DCDC1: variants seen among roughly 807,000 people sequenced by gnomAD.
DCDC1 encodes doublecortin domain-containing protein 1.
Under a neutral mutation model 178.3 loss-of-function variants are expected in DCDC1, and 200 were observed. The ratio of observed to expected loss-of-function variants is 1.12; its 90% CI spans 1.00 to 1.26. DCDC1 has a LOEUF of 1.26. DCDC1 is among the 50% of genes most tolerant of loss of function. The pLI is 0.00. For missense variants in DCDC1, 1,983 were observed against 1,749.2 expected (o/e 1.13, Z -2.38); for synonymous variants, 690 against 604.8 (o/e 1.14, Z -2.07).
At chr11:31,216,542 C>T (rs192414580) in intron 9 of DCDC1, among the ~76,000 whole-genome samples, 180 of 152,238 alleles carry the variant, frequency 1.2e-3, no homozygotes, top group Non-Finnish European at 2.1e-3. Flanking sequence ...CCACTGCAGA[C>T]CTCAATTCTA....
intron 34 of DCDC1, among the ~76,000 whole-genome samples, chr11:30,898,901 T>C (rs1453138946): frequency 2.0e-5 from 3 of 152,152 alleles, no homozygotes; most frequent in African/African-American, 4.8e-5. Context: ...CCATAGTACA[T>C]TGTTTCTCCC....
At position 30,905,084 on chromosome 11, in the gene DCDC1, G is replaced by T; in HGVS notation, c.4185C>A (p.Cys1395Ter). Residue 1395 changes from cysteine (C) to a stop codon, truncating the protein, a stop_gained, in exon 31 of 39, where the codon TGC (cysteine) becomes TGA (stop). Transcript: ENST00000684477. LOFTEE classifies it high-confidence loss of function. ...ARLLSLRMKTCTQAASHSGMA... is the reference protein window; with the variant it reads ...ARLLSLRMKT ...TGCCACTGTGAGATGCAGCTTGCGTGCAGGTCTTCATCCGTAAAGACAATA... is the reference window on the plus strand; with the variant it reads ...TGCCACTGTGAGATGCAGCTTGCGTTCAGGTCTTCATCCGTAAAGACAATA... The T allele has an allele frequency of 6.2e-7, 1 of 1,613,762 alleles. No individual in the cohort carries two copies. The highest frequency in any genetic ancestry group is 8.5e-7 in the Non-Finnish European group (1 of 1,179,768).
chr11:31,033,256 A>G (rs117785778), intron 20 of DCDC1, among the ~76,000 whole-genome samples: 2 of 152,276 alleles, frequency 1.3e-5, no homozygotes, highest in Non-Finnish European at 2.9e-5. Context: ...TAAACAACTT[A>G]CCAGGGGAAA....
At chr11:31,115,981 T>TGGGGGGGGGGGGGG (rs548179744) in intron 11 of DCDC1, among the ~76,000 whole-genome samples, 1 of 38,092 alleles carries the variant, frequency 2.6e-5, no homozygotes, top group African/African-American at 6.5e-5. Context: ...GCTGTGGCAG[T>TGGGGGGGGGGGGGG]GGGGGGGGGG....
intron 20 of DCDC1, among the ~76,000 whole-genome samples, chr11:31,051,128 A>T (rs1269716586): frequency 6.6e-6 from 1 of 151,974 alleles, no homozygotes; most frequent in Admixed American, 6.6e-5. Flanking sequence ...TAGATAGCTT[A>T]AAAAAAATCA....
chr11:31,346,006 G>C (rs756812576), intron 1 of DCDC1, among the ~76,000 whole-genome samples: 6 of 152,000 alleles, frequency 3.9e-5, no homozygotes, highest in Non-Finnish European at 7.4e-5. Flanking sequence ...CACTAAAATA[G>C]GACAACTAGA....
intron 21 of DCDC1, among the ~76,000 whole-genome samples, chr11:30,943,008 A>G (rs1947761468): frequency 6.6e-6 from 1 of 152,202 alleles, no homozygotes; most frequent in African/African-American, 2.4e-5. Flanking sequence ...AACAAAAAGT[A>G]CAGATATGTA....
intron 11 of DCDC1, 49 bp from the exon 12 acceptor site, chr11:31,110,410 CA>C: frequency 1.5e-6 from 1 of 679,822 alleles, no homozygotes; most frequent in Non-Finnish European, 2.7e-6. Flanking sequence ...TGCACACATA[CA>C]TACATATATT....
intron 18 of DCDC1, among the ~76,000 whole-genome samples, chr11:31,068,682 AT>A (rs1956387666): frequency 6.6e-6 from 1 of 152,202 alleles, no homozygotes; most frequent in African/African-American, 2.4e-5. Context: ...ATTATTGAAA[AT>A]TTTTTTCAAA....
rs1945851010 is a variant in DCDC1 at position 30,916,608 on chromosome 11, A to ACAC, written c.3452+261_3452+262insGTG. The stretch of plus-strand genomic sequence containing the variant: ...GCTCTGTGCTAAGTTGTCAGGAGGC[A>ACAC]AAGGTGGATAAGCATACTGTTTAAT... On this transcript the variant is annotated intron_variant, in intron 26 of 38. Transcript: ENST00000684477. Among the ~76,000 whole-genome samples the ACAC allele has an allele frequency of 2.6e-5, 4 of 152,324 alleles. No individual in the cohort carries two copies. The South Asian group carries it at 8.3e-4, about 32-fold the overall frequency.
intron 6 of DCDC1, among the ~76,000 whole-genome samples, chr11:31,292,022 C>G (rs931864837): frequency 6.6e-6 from 1 of 151,930 alleles, no homozygotes; most frequent in African/African-American, 2.4e-5. Flanking sequence ...TATTCTTACC[C>G]CCCTTTCACT....
At chr11:30,895,970 T>G (rs956924983) in intron 34 of DCDC1, among the ~76,000 whole-genome samples, 2 of 152,216 alleles carry the variant, frequency 1.3e-5, no homozygotes, top group Admixed American at 6.5e-5. Flanking sequence ...TTATCATTTA[T>G]ACTGCTGAGA....
chr11:31,107,424 A>C (rs1958924388), intron 12 of DCDC1, among the ~76,000 whole-genome samples: 1 of 152,176 alleles, frequency 6.6e-6, no homozygotes, highest in South Asian at 2.1e-4. Flanking sequence ...CAAAATTAAA[A>C]TGACTTTTAG....
intron 3 of DCDC1, among the ~76,000 whole-genome samples, chr11:31,312,208 C>T (rs1565594980): frequency 6.6e-6 from 1 of 152,120 alleles, no homozygotes; most frequent in Non-Finnish European, 1.5e-5. Context: ...TCATGCCCTC[C>T]ATATTGACAA....
intron 7 of DCDC1, among the ~76,000 whole-genome samples, chr11:31,267,441 C>T (rs1945245958): frequency 6.6e-6 from 1 of 152,218 alleles, no homozygotes; most frequent in Middle Eastern, 3.2e-3. Flanking sequence ...ATCCACCTGC[C>T]TCAGCCTCCC....
chr11:31,024,556 C>T (rs1011944772), intron 20 of DCDC1, among the ~76,000 whole-genome samples: 2 of 151,828 alleles, frequency 1.3e-5, no homozygotes, highest in African/African-American at 2.4e-5. Flanking sequence ...CAAAACATTA[C>T]ATGCTCATTG....
At chr11:30,961,189 T>C (rs546148576) in intron 20 of DCDC1, among the ~76,000 whole-genome samples, 3 of 152,060 alleles carry the variant, frequency 2.0e-5, no homozygotes, top group Non-Finnish European at 4.4e-5. Context: ...ACTATGAAAA[T>C]TTGTGCAAGT....
chr11:31,168,919 A>G (rs1426300302), intron 9 of DCDC1, among the ~76,000 whole-genome samples: 2 of 152,134 alleles, frequency 1.3e-5, no homozygotes, highest in Non-Finnish European at 2.9e-5. Flanking sequence ...ATAAAATAAG[A>G]TTGAGTATTA....
At chr11:31,294,221 G>A (rs879811526) in intron 6 of DCDC1, among the ~76,000 whole-genome samples, 1 of 151,934 alleles carries the variant, frequency 6.6e-6, no homozygotes, top group African/African-American at 2.4e-5. Context: ...TGGGGGAAAG[G>A]TATTCCAAGC....
Sources: allele counts gnomAD v4.1 joint callset (sites outside exome capture counted in the v4.1 genomes callset), GRCh38; gene constraint gnomAD v4.1.1; transcripts MANE v1.5; gene names NCBI Gene and HGNC (gene_info 2026-07-23, HGNC 2026-07-21).